Variants in TEX10 observed in about 807,000 individuals in gnomAD.
The protein encoded by TEX10 is testis expressed 10.
A neutral mutation model predicts 104.4 loss-of-function variants in TEX10; 24 were observed. That is an observed-to-expected ratio of 0.23 (90% confidence interval 0.17 to 0.32). The LOEUF (loss-of-function observed/expected upper bound fraction) is 0.32, where lower values mean the gene tolerates loss of function less well. Ranked by LOEUF, TEX10 falls within the 10% of genes least tolerant of loss-of-function variation. The pLI, the probability that TEX10 is intolerant of heterozygous loss-of-function variation, is 1.00. For missense variants in TEX10, 921 were observed against 1,083.9 expected (o/e 0.85, Z 2.11); for synonymous variants, 396 against 393.4 (o/e 1.01, Z -0.08).
At chr9:100,314,684 TTTGTA>T (rs1298944032) in intron 11 of TEX10, among the ~76,000 whole-genome samples, 1 of 152,220 alleles carries the variant, frequency 6.6e-6, no homozygotes, top group African/African-American at 2.4e-5. Flanking sequence ...TTGTTGACCC[TTTGTA>T]TTGTTTTTTG....
chr9:100,346,331 A>G lies in TEX10; in HGVS notation c.894-16T>C, dbSNP rs1564221355. The G allele has an allele frequency of 6.3e-7, 1 of 1,585,490 alleles. No homozygotes were observed. Among genetic ancestry groups the G allele is most frequent in the Non-Finnish European group, 8.5e-7 (1 of 1,169,998 alleles). The stretch of plus-strand genomic sequence containing the variant: ...AACCAGATACCTAATAAGGGTAAGA[A>G]AGAAAAAAATTAAGTGATTAAAAAA... On this transcript the variant is annotated splice_polypyrimidine_tract_variant and intron_variant, in intron 3 of 14. Transcript: ENST00000374902.
At chr9:100,329,023 T>C (rs1834782268) in intron 7 of TEX10, 117 bp downstream of exon 7, 2 of 1,129,432 alleles carry the variant, frequency 1.8e-6, no homozygotes, top group Non-Finnish European at 2.4e-6. Flanking sequence ...TGCAAACAAG[T>C]AGGATTAAAA....
At chr9:100,331,964 A>T (rs1834872693) in intron 5 of TEX10, among the ~76,000 whole-genome samples, 1 of 152,256 alleles carries the variant, frequency 6.6e-6, no homozygotes, top group Admixed American at 6.5e-5. Flanking sequence ...GTAATCATTA[A>T]GGGTTCTAAC....
At chr9:100,345,777 A>C (rs1372853685) in intron 4 of TEX10, among the ~76,000 whole-genome samples, 2 of 152,186 alleles carry the variant, frequency 1.3e-5, no homozygotes, top group African/African-American at 4.8e-5. Flanking sequence ...CTACACAATC[A>C]ATCTGCCATA....
At chr9:100,308,835 T>G (rs536099749) in intron 12 of TEX10, among the ~76,000 whole-genome samples, 154 bp from the exon 13 acceptor site, 1 of 152,370 alleles carries the variant, frequency 6.6e-6, no homozygotes, top group African/African-American at 2.4e-5. Flanking sequence ...CTTAAGGTCC[T>G]GTTTTCCTTT....
At position 100,346,184 on chromosome 9, in the gene TEX10, G is replaced by C; in HGVS notation, c.1025C>G (p.Thr342Ser). 6.2e-7 allele frequency: 1 copy of C among 1,614,044 alleles called. No individual in the cohort carries two copies. Among genetic ancestry groups the C allele is most frequent in the Non-Finnish European group, 8.5e-7 (1 of 1,179,952 alleles). ...WVEAVPPQLA[T>S]PVGNGIEREP... is the part of the protein sequence containing the mutation. ...TCGTTCTATACCATTCCCAACAGGA[G>C]TAGCTAGTTGTGGAGGTACAGCTTC... The change falls in exon 4 of 15, where the codon ACT becomes AGT. Residue 342 changes from threonine to serine, a missense_variant. Physicochemically the swap from Thr to Ser is moderately conservative, Grantham distance 58 (BLOSUM62 1). Coordinates refer to ENST00000374902, the MANE Select transcript of TEX10 (RefSeq NM_017746.4).
chr9:100,348,412 A>G (rs951053249), intron 2 of TEX10, among the ~76,000 whole-genome samples: 6 of 152,228 alleles, frequency 3.9e-5, no homozygotes, highest in African/African-American at 9.6e-5. Context: ...GATTTTAATT[A>G]TGTGTAAATT....
At position 100,343,610 on chromosome 9, in the gene TEX10, A is replaced by C. The variant is rs546977684; in HGVS notation, c.1137+2462T>G. On this transcript the variant is annotated intron_variant, in intron 4 of 14. Transcript: ENST00000374902. Reference sequence around the variant, plus strand: ...TTACTAAAAAGTTTAAAAAAAAAAAAAAACTACCTGAATACAAGTGAAATT... The same window carrying C: ...TTACTAAAAAGTTTAAAAAAAAAAACAAACTACCTGAATACAAGTGAAATT... 1.4e-3 allele frequency among the ~76,000 whole-genome samples: 215 copies of C among 152,230 alleles called. 1 individual carries two copies. The highest frequency in any genetic ancestry group is 2.8e-3 in the Non-Finnish European group (193 of 67,996).
Position 100,329,243 on chromosome 9 carries a change from T to C in TEX10, c.1522A>G (p.Thr508Ala), listed in dbSNP as rs1834788929. The change falls in exon 7 of 15, where the codon ACA becomes GCA. Residue 508 changes from threonine to alanine, a missense_variant. Transcript: ENST00000374902. The stretch of plus-strand genomic sequence containing the variant: ...ATAAGGCCCCTCTGCTGATATAATG[T>C]ATAAACTGCCTTAATAAGAGTCTCT... ...DTETLIKAVY[T>A]LYQQRGLILP... is the part of the protein sequence containing the mutation. The C allele has an allele frequency of 6.2e-7, 1 of 1,608,792 alleles. No homozygotes were observed. Among genetic ancestry groups the C allele is most frequent in the African/African-American group, 1.3e-5 (1 of 74,592 alleles).
chr9:100,320,285 G>A lies in TEX10; in HGVS notation c.2182C>T (p.His728Tyr). The A allele has an allele frequency of 6.2e-7, 1 of 1,611,684 alleles. No homozygotes were observed. The highest frequency in any genetic ancestry group is 8.5e-7 in the Non-Finnish European group (1 of 1,178,902). ...LYLTDLDQFL[H>Y]HWDVTEAVFH... The stretch of plus-strand genomic sequence containing the variant: ...ATTACCTCTGTTACATCCCAGTGGT[G>A]TAAAAATTGATCCAAATCTGTAAGG... The change falls in exon 11 of 15, where the codon CAC becomes TAC. Residue 728 changes from histidine (H) to tyrosine (Y), a missense_variant. His to Tyr is a moderately conservative substitution (Grantham distance 83). This residue lies in a region of TEX10 where 753 missense variants were observed against 868.4 expected (regional missense o/e 0.87). Transcript: ENST00000374902.
chr9:100,351,013 C>CCAT, intron 1 of TEX10, among the ~76,000 whole-genome samples: 1 of 152,176 alleles, frequency 6.6e-6, no homozygotes, highest in Non-Finnish European at 1.5e-5. Context: ...TGGTTAAATA[C>CCAT]GTATGCTCAA....
chr9:100,302,936 C>CCCG lies in TEX10; in HGVS notation c.2677-633_2677-632insCGG, dbSNP rs1554732274. Among the ~76,000 whole-genome samples, 43 of 149,864 alleles carry CCCG rather than the reference C, an allele frequency of 2.9e-4. 1 individual carries two copies. Among genetic ancestry groups the CCCG allele is most frequent in the African/African-American group, 8.6e-4 (35 of 40,746 alleles). ...AAGACACTTTTTTAACCGCCCCCCC[C>CCCG]CCAAACTAAAATCACCAAAGGAATC... On this transcript the variant is annotated intron_variant, in intron 14 of 14. Transcript: ENST00000374902.
chr9:100,327,637 C>A, intron 8 of TEX10, 150 bp downstream of exon 8: 1 of 448,204 alleles, frequency 2.2e-6, no homozygotes, highest in Non-Finnish European at 3.9e-6. Flanking sequence ...AATGAATTTA[C>A]TGTATGATGT....
intron 9 of TEX10, among the ~76,000 whole-genome samples, chr9:100,325,531 T>A (rs1010752200): frequency 2.0e-5 from 3 of 152,094 alleles, no homozygotes; most frequent in African/African-American, 7.2e-5. Flanking sequence ...CTTGAAATAT[T>A]AAAACTTTCT....
At position 100,340,248 on chromosome 9, in the gene TEX10, T is replaced by A; in HGVS notation, c.1250+9A>T. 2 of 1,509,012 alleles carry A rather than the reference T, an allele frequency of 1.3e-6. No homozygotes were observed. The highest frequency in any genetic ancestry group is 1.8e-6 in the Non-Finnish European group (2 of 1,120,462). The allele number at this position is 1,509,012 out of a possible 1,614,324, so 93.5% of individuals were successfully genotyped here. A position where few individuals can be genotyped will look rare whatever the true frequency, so the allele number is the denominator to read the frequency against. On this transcript the variant is annotated intron_variant, in intron 5 of 14. Coordinates refer to ENST00000374902, the MANE Select transcript of TEX10 (RefSeq NM_017746.4). ...TTCAAGGTTATACAGTGAAAAAGAA[T>A]CATAATACCTTTTATTTGGCTCTTT...
At chr9:100,313,867 C>G (rs1028128201) in intron 11 of TEX10, among the ~76,000 whole-genome samples, 17 of 150,186 alleles carry the variant, frequency 1.1e-4, no homozygotes, top group Non-Finnish European at 1.9e-4. Context: ...AAAAAAGAGA[C>G]ACACACATAG....
At chr9:100,349,963 C>G (rs1233595980) in intron 1 of TEX10, among the ~76,000 whole-genome samples, 3 of 152,078 alleles carry the variant, frequency 2.0e-5, no homozygotes, top group South Asian at 2.1e-4. Flanking sequence ...GGGGATAAAC[C>G]TAGCACAGCA....
At chr9:100,351,377 A>G (rs1409082918) in intron 1 of TEX10, among the ~76,000 whole-genome samples, 2 of 139,706 alleles carry the variant, frequency 1.4e-5, no homozygotes, top group Admixed American at 7.2e-5. Context: ...AAACAAAACA[A>G]AACAAAAAAA....
chr9:100,316,106 G>A (rs962185502), intron 11 of TEX10, among the ~76,000 whole-genome samples: 1 of 152,006 alleles, frequency 6.6e-6, no homozygotes, highest in African/African-American at 2.4e-5. Flanking sequence ...ATTCCCTTAT[G>A]AACACAGACA....
Sources: gnomAD v4.1 joint callset for allele counts (sites outside exome capture counted in the v4.1 genomes callset) on GRCh38, gnomAD v4.1.1 for gene constraint, gnomAD v4.1.1 regional missense constraint, MANE v1.5 for transcripts, NCBI Gene and HGNC (gene_info 2026-07-23, HGNC 2026-07-21) for gene names.